Variants in ALKBH3 observed in about 807,000 individuals in gnomAD.
ALKBH3 encodes the protein alpha-ketoglutarate-dependent dioxygenase alkB homolog 3.
ALKBH3 carries 51 observed loss-of-function variants against 43.9 expected under a neutral mutation model. The ratio of observed to expected loss-of-function variants is 1.16; its 90% CI spans 0.93 to 1.47. The LOEUF (loss-of-function observed/expected upper bound fraction) is 1.47. Among genes scored for constraint, ALKBH3 ranks in the 40% most tolerant of loss-of-function variants. The pLI is 0.00. For synonymous variants in ALKBH3, 102 were observed against 115.2 expected (o/e 0.89, Z 0.73); for missense variants, 361 against 351.9 (o/e 1.03, Z -0.21).
intron 8 of ALKBH3, among the ~76,000 whole-genome samples, chr11:43,901,961 C>A (rs113541341): frequency 6.6e-6 from 1 of 152,194 alleles, no homozygotes; most frequent in Non-Finnish European, 1.5e-5. Context: ...CGGCTCATTT[C>A]ATTGATGATA....
chr11:43,916,599 CT>C (rs1264431393), intron 8 of ALKBH3: 4 of 152,108 alleles, frequency 2.6e-5, no homozygotes, highest in Non-Finnish European at 4.4e-5. Context: ...ATCAAAAGGG[CT>C]ACAGAGATGT....
chr11:43,898,781 T>C, intron 7 of ALKBH3: 1 of 755,752 alleles, frequency 1.3e-6, no homozygotes, highest in South Asian at 1.4e-5. Context: ...GTTAGTCCAT[T>C]TATTGATGAC....
intron 4 of ALKBH3, among the ~76,000 whole-genome samples, chr11:43,885,147 G>A (rs951766273): frequency 3.3e-5 from 5 of 152,150 alleles, no homozygotes; most frequent in Non-Finnish European, 7.3e-5. Context: ...CTACAGATGT[G>A]ACATTCGGCC....
chr11:43,898,574 C>G, intron 7 of ALKBH3: 1 of 765,040 alleles, frequency 1.3e-6, no homozygotes, highest in Non-Finnish European at 2.4e-6. Flanking sequence ...GAAGAGAATA[C>G]AAAAGTCTTT....
intron 7 of ALKBH3, chr11:43,897,605 G>A (rs1345665294): frequency 1.4e-5 from 12 of 866,522 alleles, no homozygotes; most frequent in Non-Finnish European, 2.0e-5. Flanking sequence ...GTGAAGATGG[G>A]GCTGTTCATG....
intron 7 of ALKBH3, among the ~76,000 whole-genome samples, chr11:43,895,402 G>C (rs1205346176): frequency 6.6e-6 from 1 of 152,170 alleles, no homozygotes; most frequent in East Asian, 1.9e-4. Flanking sequence ...ATGCGCTCTT[G>C]CCTGCTGCCA....
At chr11:43,905,281 G>A (rs936784282) in intron 8 of ALKBH3, among the ~76,000 whole-genome samples, 1 of 152,124 alleles carries the variant, frequency 6.6e-6, no homozygotes, top group South Asian at 2.1e-4. Context: ...TCCACACACT[G>A]TATTCCTAAC....
chr11:43,904,792 G>A (rs539642281), intron 8 of ALKBH3, among the ~76,000 whole-genome samples: 2 of 152,260 alleles, frequency 1.3e-5, no homozygotes, highest in South Asian at 2.1e-4. Flanking sequence ...CATGACTCAT[G>A]ATTCATACAG....
intron 4 of ALKBH3, 51 bp downstream of exon 4, chr11:43,884,068 G>A (rs1226058178): frequency 6.2e-7 from 1 of 1,603,812 alleles, no homozygotes; most frequent in Non-Finnish European, 8.5e-7. Flanking sequence ...GAAATGAAGA[G>A]CCTGGAATCT....
intron 8 of ALKBH3, among the ~76,000 whole-genome samples, chr11:43,907,228 T>C (rs188754249): frequency 8.1e-4 from 123 of 152,014 alleles, no homozygotes; most frequent in African/African-American, 2.8e-3. Context: ...TGTGTGTGTG[T>C]GCGTGTGTGT....
chr11:43,890,534 G>C (rs554563934), intron 6 of ALKBH3, among the ~76,000 whole-genome samples: 3 of 152,136 alleles, frequency 2.0e-5, no homozygotes, highest in Non-Finnish European at 4.4e-5. Context: ...GTTCCCTGTG[G>C]ATACTGAAAT....
intron 7 of ALKBH3, among the ~76,000 whole-genome samples, chr11:43,892,839 G>C (rs762150127): frequency 6.6e-6 from 1 of 151,418 alleles, no homozygotes; most frequent in Non-Finnish European, 1.5e-5. Flanking sequence ...ACATTTCAGA[G>C]CTTCTAGAAA....
intron 8 of ALKBH3, among the ~76,000 whole-genome samples, chr11:43,911,258 T>C (rs1014158100): frequency 2.4e-4 from 36 of 152,160 alleles, no homozygotes; most frequent in Non-Finnish European, 4.7e-4. Context: ...GTTTGAGGTA[T>C]ATTTCTGAGG....
chr11:43,898,950 A>G, intron 7 of ALKBH3: 3 of 749,440 alleles, frequency 4.0e-6, no homozygotes, highest in South Asian at 2.7e-5. Context: ...CTACTGGACC[A>G]TGGAGGAGCT....
intron 9 of ALKBH3, 49 bp downstream of exon 9, chr11:43,919,185 C>G: frequency 1.3e-6 from 2 of 1,488,454 alleles, no homozygotes; most frequent in Non-Finnish European, 1.9e-6. Flanking sequence ...GAGGCAGTTT[C>G]CTGACTCTGA....
At chr11:43,909,416 G>A in intron 8 of ALKBH3, 1 of 152,190 alleles carries the variant, frequency 6.6e-6, no homozygotes, top group East Asian at 1.9e-4. Context: ...ATCAGCACTA[G>A]AGGAACAACT....
chr11:43,919,630 T>C (rs1034171265), intron 9 of ALKBH3: 2 of 358,316 alleles, frequency 5.6e-6, no homozygotes, highest in Non-Finnish European at 1.0e-5. Context: ...CATCCATTTA[T>C]ATGTTTTATG....
At chr11:43,885,141 A>G (rs1951738450) in intron 4 of ALKBH3, among the ~76,000 whole-genome samples, 1 of 152,218 alleles carries the variant, frequency 6.6e-6, no homozygotes, top group Admixed American at 6.5e-5. Context: ...TGTAAGCTAC[A>G]GATGTGACAT....
chr11:43,892,526 AT>A lies in ALKBH3; in HGVS notation c.459+398del, dbSNP rs1388155296. 2.0e-5 allele frequency among the ~76,000 whole-genome samples: 3 copies of A among 152,248 alleles called. No individual in the cohort carries two copies. In the East Asian group the frequency reaches 5.8e-4, roughly 29 times the overall value. Reference sequence around the variant, plus strand: ...GCTCTTTTGCTATTTGTGAAAAAAAATCTGATGTTTTTCTTGTTAACTTTGT... The same window carrying A: ...GCTCTTTTGCTATTTGTGAAAAAAAACTGATGTTTTTCTTGTTAACTTTGT... On this transcript the variant is annotated intron_variant, in intron 7 of 9. Transcript: ENST00000302708.
Sources: allele counts gnomAD v4.1 joint callset (sites outside exome capture counted in the v4.1 genomes callset), GRCh38; gene constraint gnomAD v4.1.1; transcripts MANE v1.5; gene names NCBI Gene and HGNC (gene_info 2026-07-23, HGNC 2026-07-21).